Variants in ESR1 observed in about 807,000 individuals in gnomAD.
ESR1 encodes the protein estrogen receptor 1.
Under a neutral mutation model 52.7 loss-of-function variants are expected in ESR1, and 12 were observed. That is an observed-to-expected ratio of 0.23 (90% confidence interval 0.15 to 0.37). The LOEUF is 0.37. ESR1 is among the 10% of genes least tolerant of loss of function. ESR1 has a pLI of 1.00. For synonymous variants in ESR1, 305 were observed against 316.8 expected (o/e 0.96, Z 0.39); for missense variants, 584 against 779.7 (o/e 0.75, Z 2.99).
At chr6:151,906,846 A>G (rs1797533275) in intron 3 of ESR1, among the ~76,000 whole-genome samples, 1 of 151,070 alleles carries the variant, frequency 6.6e-6, no homozygotes, top group African/African-American at 2.4e-5. Flanking sequence ...CTATAAAGTT[A>G]TTTGTCTATA....
intron 2 of ESR1, among the ~76,000 whole-genome samples, chr6:151,873,012 A>C: frequency 6.6e-6 from 1 of 152,232 alleles, no homozygotes; most frequent in East Asian, 1.9e-4. Flanking sequence ...GGCTGTGTTA[A>C]TTCCTCACTT....
intron 4 of ESR1, among the ~76,000 whole-genome samples, chr6:151,945,315 A>C (rs181218594): frequency 6.6e-6 from 1 of 152,364 alleles, no homozygotes; most frequent in Admixed American, 6.5e-5. Context: ...TATTTATCCA[A>C]CCTGGTGTAT....
intron 1 of ESR1, among the ~76,000 whole-genome samples, chr6:151,676,403 G>A (rs1343644129): frequency 1.3e-5 from 2 of 152,198 alleles, no homozygotes; most frequent in African/African-American, 4.8e-5. Flanking sequence ...CAATTTGGTA[G>A]CAATCAGAGT....
At chr6:151,969,040 G>A (rs547634444) in intron 4 of ESR1, among the ~76,000 whole-genome samples, 1 of 152,114 alleles carries the variant, frequency 6.6e-6, no homozygotes, top group South Asian at 2.1e-4. Flanking sequence ...CAGGAGTATT[G>A]GGCAGTAGGG....
intron 5 of ESR1, among the ~76,000 whole-genome samples, chr6:152,034,912 A>G (rs1435717573): frequency 6.6e-6 from 1 of 152,204 alleles, no homozygotes; most frequent in African/African-American, 2.4e-5. Flanking sequence ...TCTTTGCTGC[A>G]ATGTGTTTTG....
intron 2 of ESR1, among the ~76,000 whole-genome samples, chr6:151,859,732 G>A (rs1028913451): frequency 1.4e-4 from 22 of 152,262 alleles, no homozygotes; most frequent in African/African-American, 4.8e-4. Context: ...CCCAGCTTTG[G>A]GACACACCTC....
rs74328771 is a variant in ESR1, at chr6:151,931,249, G to A, written c.761-12924G>A. Among the ~76,000 whole-genome samples, 186 of 151,694 alleles carry A rather than the reference G, an allele frequency of 1.2e-3. 2 individuals carry two copies. The East Asian group carries it at 0.034, about 28-fold the overall frequency. On this transcript the variant is annotated intron_variant, in intron 3 of 7. Coordinates refer to ENST00000206249, the MANE Select transcript of ESR1 (RefSeq NM_000125.4). ...TTACATTTCAGTTGGGGACGTTTCT[G>A]TTGACTTATCTTTCAGCTCACTGAT...
At chr6:151,739,559 G>A (rs1782925693) in intron 2 of ESR1, among the ~76,000 whole-genome samples, 1 of 152,176 alleles carries the variant, frequency 6.6e-6, no homozygotes, top group African/African-American at 2.4e-5. Flanking sequence ...CATTTTCAAA[G>A]TCCTGTGTGT....
intron 5 of ESR1, among the ~76,000 whole-genome samples, chr6:152,019,672 G>A (rs1483555180): frequency 6.6e-6 from 1 of 152,066 alleles, no homozygotes; most frequent in Non-Finnish European, 1.5e-5. Flanking sequence ...TAATATTTTT[G>A]AGAGTTTAAA....
At chr6:151,909,955 G>C (rs1373603522) in intron 3 of ESR1, among the ~76,000 whole-genome samples, 1 of 152,072 alleles carries the variant, frequency 6.6e-6, no homozygotes, top group African/African-American at 2.4e-5. Flanking sequence ...CTAATCATAA[G>C]AATCTATGAG....
chr6:151,853,169 C>CAAAAAAAAAAAAAAAAA (rs386408969), intron 2 of ESR1, among the ~76,000 whole-genome samples: 42 of 42,886 alleles, frequency 9.8e-4, no homozygotes, highest in Middle Eastern at 0.023. Flanking sequence ...AGACTCGTCT[C>CAAAAAAAAAAAAAAAAA]AAAAAAAAAA....
intron 2 of ESR1, among the ~76,000 whole-genome samples, chr6:151,772,342 A>C (rs1222600162): frequency 6.6e-6 from 1 of 152,182 alleles, no homozygotes; most frequent in Admixed American, 6.5e-5. Context: ...TCTTGATTAC[A>C]CCATAAAACA....
intron 6 of ESR1, among the ~76,000 whole-genome samples, chr6:152,089,560 T>C (rs1245030239): frequency 6.6e-6 from 1 of 152,226 alleles, no homozygotes; most frequent in East Asian, 1.9e-4. Context: ...GGCACAGCCA[T>C]GTGAAAGCTT....
intron 1 of ESR1, 152 bp downstream of exon 1, chr6:151,808,516 G>C (rs1040046718): frequency 6.9e-6 from 4 of 582,418 alleles, no homozygotes; most frequent in South Asian, 4.5e-5. Context: ...GCGCGGCCCA[G>C]CCCGGGGGTT....
chr6:151,876,187 C>T (rs949252608), intron 2 of ESR1, among the ~76,000 whole-genome samples: 1 of 152,058 alleles, frequency 6.6e-6, no homozygotes, highest in African/African-American at 2.4e-5. Context: ...GAATAATGCC[C>T]ATGTTTCAGG....
chr6:151,919,072 T>C (rs969123256), intron 3 of ESR1, among the ~76,000 whole-genome samples: 1 of 152,214 alleles, frequency 6.6e-6, no homozygotes, highest in Non-Finnish European at 1.5e-5. Flanking sequence ...TTAATATTAA[T>C]GTGTCCCTTA....
rs143483496 is a variant in ESR1 at position 151,698,902 on chromosome 6, G to A, written c.-201-2973G>A. On this transcript the variant is annotated intron_variant, in intron 1 of 2. Transcript: ENST00000404742. ...GTCCGTTTGACGGTCCTATTCCTCC[G>A]GATCACTCAATCTTCACAAATCAAG... 2.1e-3 allele frequency among the ~76,000 whole-genome samples: 320 copies of A among 152,142 alleles called. 2 individuals are homozygous for A. Among genetic ancestry groups the A allele is most frequent in the African/African-American group, 7.4e-3 (306 of 41,500 alleles).
intron 3 of ESR1, among the ~76,000 whole-genome samples, chr6:151,885,096 AT>A (rs577107149): frequency 6.6e-6 from 1 of 152,066 alleles, no homozygotes; most frequent in African/African-American, 2.4e-5. Flanking sequence ...TTCAAGAAGT[AT>A]TTTTTTGCAC....
intron 3 of ESR1, among the ~76,000 whole-genome samples, chr6:151,881,523 C>A (rs1044798582): frequency 6.6e-6 from 1 of 152,108 alleles, no homozygotes; most frequent in Admixed American, 6.6e-5. Context: ...ATGTGGTTGC[C>A]TGATTGACCT....
Sources: allele counts gnomAD v4.1 joint callset (sites outside exome capture counted in the v4.1 genomes callset), GRCh38; gene constraint gnomAD v4.1.1; transcripts MANE v1.5; gene names NCBI Gene and HGNC (gene_info 2026-07-23, HGNC 2026-07-21).